Variants in FGF12 observed in about 807,000 individuals in gnomAD.
FGF12 encodes the protein fibroblast growth factor 12.
A neutral mutation model predicts 23.6 loss-of-function variants in FGF12; 14 were observed. That is an observed-to-expected ratio of 0.59 (90% CI 0.39 to 0.93). The LOEUF is 0.93. Among genes scored for constraint, FGF12 ranks in the 40% least tolerant of loss-of-function variants. FGF12 has a pLI of 0.00. For missense variants in FGF12, 175 were observed against 217.8 expected, an observed-to-expected ratio of 0.80 and a Z score of 1.24; for synonymous variants, 62 against 77.3, an observed-to-expected ratio of 0.80 and a Z score of 1.04.
intron 2 of FGF12, among the ~76,000 whole-genome samples, chr3:192,384,371 A>T (rs954767075): frequency 1.3e-5 from 2 of 152,232 alleles, no homozygotes; most frequent in Non-Finnish European, 2.9e-5. Context: ...ATTAAATTGA[A>T]AACAGCAAGA....
intron 4 of FGF12, among the ~76,000 whole-genome samples, chr3:192,313,841 G>C (rs1270733244): frequency 1.3e-5 from 2 of 152,188 alleles, no homozygotes; most frequent in Non-Finnish European, 2.9e-5. Flanking sequence ...TTTTGGTCTA[G>C]AGAGGTGTGG....
At chr3:192,716,869 G>A (rs774434182) in intron 2 of FGF12, among the ~76,000 whole-genome samples, 38 of 152,148 alleles carry the variant, frequency 2.5e-4, no homozygotes, top group Non-Finnish European at 3.4e-4. Context: ...CAAGTCTTAC[G>A]ATCTTTCTAC....
At chr3:192,168,851 T>G (rs2108616222) in intron 5 of FGF12, among the ~76,000 whole-genome samples, 1 of 152,330 alleles carries the variant, frequency 6.6e-6, no homozygotes, top group South Asian at 2.1e-4. Flanking sequence ...ATGTCATAAT[T>G]TCTATGGGAG....
intron 5 of FGF12, among the ~76,000 whole-genome samples, chr3:192,147,795 CAACA>C (rs1713807725): frequency 6.6e-6 from 1 of 151,496 alleles, no homozygotes; most frequent in South Asian, 2.1e-4. Flanking sequence ...ATAATTTATC[CAACA>C]AACAATGTAA....
chr3:192,682,682 T>C (rs188192078), intron 2 of FGF12, among the ~76,000 whole-genome samples: 152 of 152,316 alleles, frequency 1.0e-3, no homozygotes, highest in Non-Finnish European at 1.8e-3. Flanking sequence ...TCAGAGTGTC[T>C]GTGATTCATG....
chr3:192,547,153 A>G (rs1197971866), intron 2 of FGF12, among the ~76,000 whole-genome samples: 1 of 152,200 alleles, frequency 6.6e-6, no homozygotes, highest in African/African-American at 2.4e-5. Flanking sequence ...ACATATCAAA[A>G]GAAACCTTGT....
rs1560175503 is a variant in FGF12 at position 192,167,747 on chromosome 3, AT to A, written c.427+2710del. Among the ~76,000 whole-genome samples, 17 of 24,468 alleles carry A rather than the reference AT, an allele frequency of 6.9e-4. 1 individual carries two copies. The highest frequency in any genetic ancestry group is 1.8e-3 in the African/African-American group (9 of 4,960). 16.1% of individuals were successfully genotyped at this position (24,468 alleles called of 152,430 possible). On this transcript the variant is annotated intron_variant, in intron 5 of 5. Transcript: ENST00000445105. ...AGGTTATAGGTATATATATATATAT[AT>A]ATATATATATATATATATATAAAAT... is the stretch of plus-strand genomic sequence containing the variant.
At position 192,216,316 on chromosome 3, in the gene FGF12, C is replaced by G. The variant is rs146327182; in HGVS notation, c.229-45660G>C. On this transcript the variant is annotated intron_variant, in intron 4 of 5. Transcript: ENST00000445105. ...ACATCCAGCCATTTGTTATCTACCC[C>G]CTGGTAATGGAGGTTATTCCCTGCC... 5.4e-4 allele frequency among the ~76,000 whole-genome samples: 82 copies of G among 152,238 alleles called. No homozygotes were observed. The East Asian group carries it at 0.014, about 26-fold the overall frequency.
At chr3:192,700,844 T>C (rs1718270375) in intron 2 of FGF12, among the ~76,000 whole-genome samples, 1 of 152,170 alleles carries the variant, frequency 6.6e-6, no homozygotes, top group Admixed American at 6.6e-5. Flanking sequence ...AAATAGACTC[T>C]TTGTAGCAAT....
At chr3:192,328,098 T>G (rs1446268491) in intron 4 of FGF12, among the ~76,000 whole-genome samples, 1 of 152,196 alleles carries the variant, frequency 6.6e-6, no homozygotes, top group Non-Finnish European at 1.5e-5. Flanking sequence ...GGTAGTCAGA[T>G]GAGTGAGGGC....
At chr3:192,573,748 A>C (rs537914977) in intron 2 of FGF12, among the ~76,000 whole-genome samples, 1 of 152,318 alleles carries the variant, frequency 6.6e-6, no homozygotes, top group Non-Finnish European at 1.5e-5. Flanking sequence ...AACCCAACCA[A>C]ATTTGGGTAT....
intron 5 of FGF12, among the ~76,000 whole-genome samples, chr3:192,154,892 G>A (rs986760055): frequency 2.2e-5 from 3 of 137,692 alleles, no homozygotes; most frequent in African/African-American, 8.0e-5. Context: ...CCTGGGCAAT[G>A]GCGGGCGCCC....
intron 2 of FGF12, among the ~76,000 whole-genome samples, chr3:192,686,743 A>G (rs1397045722): frequency 6.6e-6 from 1 of 151,816 alleles, no homozygotes; most frequent in Non-Finnish European, 1.5e-5. Flanking sequence ...TCTATATGTA[A>G]CAAAACTGCA....
At chr3:192,577,722 T>C (rs1712970288) in intron 2 of FGF12, among the ~76,000 whole-genome samples, 1 of 152,226 alleles carries the variant, frequency 6.6e-6, no homozygotes, top group African/African-American at 2.4e-5. Flanking sequence ...CCACTGTACT[T>C]TACTCTCCTG....
chr3:192,688,148 G>C (rs1717823020), intron 2 of FGF12, among the ~76,000 whole-genome samples: 1 of 151,888 alleles, frequency 6.6e-6, no homozygotes, highest in Non-Finnish European at 1.5e-5. Flanking sequence ...AGACACTACT[G>C]AGGACCCTCA....
chr3:192,431,314 G>T (rs1721852246), intron 2 of FGF12, among the ~76,000 whole-genome samples: 1 of 152,118 alleles, frequency 6.6e-6, no homozygotes. Flanking sequence ...GTATCAGGTT[G>T]ATTTTCTTGG....
At chr3:192,555,907 G>A (rs1031655144) in intron 2 of FGF12, among the ~76,000 whole-genome samples, 1 of 152,114 alleles carries the variant, frequency 6.6e-6, no homozygotes, top group Non-Finnish European at 1.5e-5. Context: ...GTAAAGGGCA[G>A]TTTTTGTGTA....
At chr3:192,371,138 AGAAT>A (rs1719209028) in intron 2 of FGF12, among the ~76,000 whole-genome samples, 1 of 152,216 alleles carries the variant, frequency 6.6e-6, no homozygotes, top group South Asian at 2.1e-4. Flanking sequence ...TGATTGCTGG[AGAAT>A]GCCGACCACA....
At chr3:192,695,052 A>G (rs1305865457) in intron 2 of FGF12, among the ~76,000 whole-genome samples, 2 of 152,166 alleles carry the variant, frequency 1.3e-5, no homozygotes. Flanking sequence ...ACTATGTGAG[A>G]CGACAGATGT....
Sources: gnomAD v4.1 joint callset for allele counts (sites outside exome capture counted in the v4.1 genomes callset) on GRCh38, gnomAD v4.1.1 for gene constraint, MANE v1.5 for transcripts, NCBI Gene and HGNC (gene_info 2026-07-23, HGNC 2026-07-21) for gene names.